Variants in CHUK observed in about 807,000 individuals in gnomAD.
The protein encoded by CHUK is inhibitor of nuclear factor kappa-B kinase subunit alpha.
In CHUK, 35 loss-of-function variants were observed where a neutral mutation model predicts 104.8. The observed-to-expected ratio is 0.33, with a 90% CI of 0.26 to 0.44. The LOEUF is 0.44. CHUK is among the 20% of genes least tolerant of loss of function. The pLI is 1.00. For synonymous variants in CHUK, 276 were observed against 291.9 expected (o/e 0.95, Z 0.56); for missense variants, 663 against 902.7 (o/e 0.73, Z 3.40).
Position 100,189,449 on chromosome 10 carries a change from C to A in CHUK, c.*149G>T. 1 of 695,584 alleles carries A rather than the reference C, an allele frequency of 1.4e-6. No individual in the cohort carries two copies. The highest frequency in any genetic ancestry group is 2.2e-5 in the Admixed American group (1 of 46,398). 43.1% of individuals were successfully genotyped at this position (695,584 alleles called of 1,614,324 possible). On this transcript the variant is annotated 3_prime_UTR_variant, in exon 21 of 21. Coordinates refer to ENST00000370397, the MANE Select transcript of CHUK (RefSeq NM_001278.5). ...ACTGTTATACTTGTAAAATCATGTT[C>A]TTCTGATCATAGTAGAAATGTAGTT...
At chr10:100,210,095 T>TTTATTTATTTATTTA (rs1564836587) in intron 9 of CHUK, among the ~76,000 whole-genome samples, 19 of 108,546 alleles carry the variant, frequency 1.8e-4, no homozygotes, top group African/African-American at 1.8e-4. Context: ...TTATTTATTT[T>TTTATTTATTTATTTA]TTTTTTTTTT....
intron 15 of CHUK, 137 bp from the exon 16 acceptor site, chr10:100,200,157 G>A (rs1411963747): frequency 1.3e-6 from 1 of 763,468 alleles, no homozygotes; most frequent in African/African-American, 1.7e-5. Flanking sequence ...ATTTCACAGA[G>A]CATTGTATTG....
chr10:100,213,503 A>C (rs73337997), intron 9 of CHUK, among the ~76,000 whole-genome samples: 31,820 of 151,302 alleles, frequency 0.21, 6,236 homozygotes, highest in African/African-American at 0.52. Flanking sequence ...AAAAAAAAAA[A>C]TTAAAAGCGT....
In CHUK at chr10:100,219,263, G is replaced by C; in HGVS notation, c.564+7C>G. ...ACTTAAATTCAAAGAAACAAAACAG[G>C]TCTCACCAGATACTGCAGTGTTCCC... On this transcript the variant is annotated splice_region_variant and intron_variant, in intron 6 of 20. Transcript: ENST00000370397. 1.9e-6 allele frequency: 3 copies of C among 1,578,684 alleles called. No homozygotes were observed. The highest frequency in any genetic ancestry group is 1.7e-6 in the Non-Finnish European group (2 of 1,147,800).
intron 16 of CHUK, among the ~76,000 whole-genome samples, chr10:100,199,293 C>A (rs1259668982): frequency 6.6e-6 from 1 of 152,130 alleles, no homozygotes; most frequent in Non-Finnish European, 1.5e-5. Flanking sequence ...CATACCTGAA[C>A]CCACTGCCTC....
intron 20 of CHUK, 181 bp downstream of exon 20, chr10:100,190,688 T>C (rs1725176820): frequency 1.6e-6 from 1 of 634,536 alleles, no homozygotes; most frequent in South Asian, 1.8e-5. Context: ...ATAATCCTAG[T>C]ATATCCCTGA....
chr10:100,206,120 A>T (rs1845585586), intron 11 of CHUK, among the ~76,000 whole-genome samples: 1 of 152,132 alleles, frequency 6.6e-6, no homozygotes, highest in Non-Finnish European at 1.5e-5. Flanking sequence ...CTAAGATGAG[A>T]TCTTAGAACA....
Position 100,229,376 on chromosome 10 carries a change from A to AAACCCACCGCCGCTCC in CHUK, c.105+36_105+51dup, listed in dbSNP as rs572872217. ...TCAGCCCTGTGTTCCACAGACGCTC[A>AAACCCACCGCCGCTCC]AACCCACCGCCGCTCCAACCCACCG... On this transcript the variant is annotated intron_variant, in intron 1 of 20. Transcript: ENST00000370397. 520 of 1,372,190 alleles carry AAACCCACCGCCGCTCC rather than the reference A, an allele frequency of 3.8e-4. 1 individual carries two copies. The African/African-American group carries it at 5.9e-3, about 16-fold the overall frequency. The allele number at this position is 1,372,190 out of a possible 1,614,324, so 85.0% of individuals were successfully genotyped here.
rs994604955 is a variant in CHUK, at chr10:100,188,983, G to A, written c.*615C>T. The A allele has an allele frequency of 6.6e-6, 1 of 152,344 alleles. No individual in the cohort carries two copies. Among genetic ancestry groups the A allele is most frequent in the African/African-American group, 2.4e-5 (1 of 41,430 alleles). The allele number at this position is 152,344 out of a possible 1,614,324, so 9.4% of individuals were successfully genotyped here. ...AAAGCCAACTAATATTAGAAGCACA[G>A]ATACACAATCCCTTCGATGAGAAGG... is the stretch of plus-strand genomic sequence containing the variant. On this transcript the variant is annotated 3_prime_UTR_variant, in exon 21 of 21. Transcript: ENST00000370397.
intron 4 of CHUK, 82 bp downstream of exon 4, chr10:100,222,030 C>G (rs528321879): frequency 1.3e-6 from 1 of 747,298 alleles, no homozygotes; most frequent in East Asian, 2.5e-5. Flanking sequence ...AGTGTATCAA[C>G]AATTCTCCTG....
chr10:100,229,535 G>C lies in CHUK; in HGVS notation c.-3C>G, dbSNP rs1846190214. ...CGCAGCCCCGGGGGCCGCTCCATGG[G>C]GCGGGAGGGCAAGCGGCCTCAGGTT... is the stretch of plus-strand genomic sequence containing the variant. On this transcript the variant is annotated 5_prime_UTR_variant, in exon 1 of 21. Transcript: ENST00000370397. The C allele has an allele frequency of 6.5e-7, 1 of 1,529,422 alleles. No individual in the cohort carries two copies. The highest frequency in any genetic ancestry group is 1.4e-5 in the African/African-American group (1 of 72,832). The allele number at this position is 1,529,422 out of a possible 1,614,324, so 94.7% of individuals were successfully genotyped here.
chr10:100,195,431 T>C (rs973726249), intron 16 of CHUK: 4 of 152,220 alleles, frequency 2.6e-5, no homozygotes, highest in African/African-American at 9.7e-5. Context: ...TTGTTATCTA[T>C]CACTCCAAAT....
intron 1 of CHUK, among the ~76,000 whole-genome samples, chr10:100,227,605 T>C (rs1846134554): frequency 6.6e-6 from 1 of 152,102 alleles, no homozygotes; most frequent in Non-Finnish European, 1.5e-5. Flanking sequence ...TTAAATTTAC[T>C]ACTTATCCTG....
At chr10:100,192,420 T>C (rs963352605) in intron 19 of CHUK, 4 of 166,188 alleles carry the variant, frequency 2.4e-5, no homozygotes, top group Admixed American at 1.3e-4. Flanking sequence ...CCCCAAGATA[T>C]ATACCCTGGA....
At chr10:100,218,905 G>A in intron 7 of CHUK, 80 bp from the exon 8 acceptor site, 1 of 1,518,766 alleles carries the variant, frequency 6.6e-7, no homozygotes, top group African/African-American at 1.4e-5. Context: ...ATATTTAATT[G>A]TATATTTCAA....
chr10:100,188,238 A>G (rs1420333182), downstream of CHUK: 2 of 152,526 alleles, frequency 1.3e-5, no homozygotes, highest in East Asian at 1.9e-4. Flanking sequence ...CATAAGTCCT[A>G]TTATTCCTAA....
chr10:100,198,936 T>C (rs1396850641), intron 16 of CHUK, among the ~76,000 whole-genome samples: 10 of 152,308 alleles, frequency 6.6e-5, no homozygotes, highest in Admixed American at 2.0e-4. Flanking sequence ...AAGTACATAA[T>C]AGTTTATAGT....
chr10:100,223,475 C>T (rs1169749572), intron 2 of CHUK, among the ~76,000 whole-genome samples: 1 of 151,242 alleles, frequency 6.6e-6, no homozygotes, highest in Non-Finnish European at 1.5e-5. Context: ...CTCATCTCTA[C>T]AAAAAATTAA....
At chr10:100,216,447 T>TA (rs1845856969) in intron 9 of CHUK, among the ~76,000 whole-genome samples, 1 of 152,204 alleles carries the variant, frequency 6.6e-6, no homozygotes, top group African/African-American at 2.4e-5. Flanking sequence ...CCCACATCTG[T>TA]AATCTCAGCA....
Sources: gnomAD v4.1 joint callset for allele counts (sites outside exome capture counted in the v4.1 genomes callset) on GRCh38, gnomAD v4.1.1 for gene constraint, MANE v1.5 for transcripts, NCBI Gene and HGNC (gene_info 2026-07-23, HGNC 2026-07-21) for gene names.